The following PCDH9 variants were observed in gnomAD, a reference collection of about 807,000 sequenced individuals.
PCDH9 encodes the protein protocadherin-9.
PCDH9 carries 24 observed loss-of-function variants against 70.6 expected under a neutral mutation model. The observed-to-expected ratio is 0.34, with a 90% CI of 0.25 to 0.48. PCDH9 has a LOEUF of 0.48. Among genes scored for constraint, PCDH9 ranks in the 20% least tolerant of loss-of-function variants. The pLI is 0.99. For synonymous variants in PCDH9, 562 were observed against 558.5 expected (o/e 1.01, Z -0.09); for missense variants, 1,281 against 1,503.6 (o/e 0.85, Z 2.45).
At chr13:66,860,736 T>C (rs1192528731) in intron 3 of PCDH9, among the ~76,000 whole-genome samples, 2 of 152,190 alleles carry the variant, frequency 1.3e-5, no homozygotes, top group East Asian at 3.9e-4. Context: ...CTAAGTACTT[T>C]ACCTGTGATT....
chr13:66,691,604 C>T (rs891549566), intron 3 of PCDH9, among the ~76,000 whole-genome samples: 5 of 152,034 alleles, frequency 3.3e-5, no homozygotes, highest in Non-Finnish European at 5.9e-5. Flanking sequence ...GATGCCTTTG[C>T]CTCTGAAAAT....
intron 2 of PCDH9, among the ~76,000 whole-genome samples, chr13:66,932,906 A>G (rs970514406): frequency 1.3e-5 from 2 of 151,254 alleles, no homozygotes; most frequent in African/African-American, 4.8e-5. Context: ...TTTAGAAAAT[A>G]TTAACATCAT....
chr13:66,854,368 A>G (rs2081361307), intron 3 of PCDH9, among the ~76,000 whole-genome samples: 1 of 152,130 alleles, frequency 6.6e-6, no homozygotes, highest in African/African-American at 2.4e-5. Flanking sequence ...TCTTTGTACC[A>G]TTGCTCTCCT....
At chr13:67,043,211 T>G (rs1054084467) in intron 2 of PCDH9, among the ~76,000 whole-genome samples, 1 of 152,160 alleles carries the variant, frequency 6.6e-6, no homozygotes, top group Non-Finnish European at 1.5e-5. Context: ...TATTTTATTT[T>G]AGAAAGTTCC....
rs545941466 is a variant in PCDH9 at position 66,885,047 on chromosome 13, T to A, written c.3138+18457A>T. On this transcript the variant is annotated intron_variant, in intron 3 of 4. Transcript: ENST00000377865. ...CTGTACCACAATATACCCTGAATTT[T>A]TCCATCCTCTGCCCCTCACTTTTGC... 6.6e-5 allele frequency among the ~76,000 whole-genome samples: 10 copies of A among 152,316 alleles called. No individual in the cohort carries two copies. In the East Asian group the frequency reaches 1.9e-3, roughly 29 times the overall value.
chr13:66,915,995 T>G (rs114812935), intron 2 of PCDH9, among the ~76,000 whole-genome samples: 2,312 of 151,510 alleles, frequency 0.015, 66 homozygotes, highest in African/African-American at 0.052. Context: ...ACTCATGGAG[T>G]ATTAGAGTTG....
chr13:66,669,054 T>G (rs2078135775), intron 3 of PCDH9, among the ~76,000 whole-genome samples: 1 of 152,150 alleles, frequency 6.6e-6, no homozygotes, highest in African/African-American at 2.4e-5. Flanking sequence ...TTGACCTCAT[T>G]GAATCTATTT....
intron 4 of PCDH9, among the ~76,000 whole-genome samples, chr13:66,445,767 A>G (rs182512048): frequency 0.011 from 1,576 of 142,194 alleles, 19 homozygotes; most frequent in Non-Finnish European, 0.016. Flanking sequence ...ATACATACAC[A>G]TATATATTAT....
intron 3 of PCDH9, among the ~76,000 whole-genome samples, chr13:66,789,267 T>C (rs74093609): frequency 0.014 from 2,178 of 152,294 alleles, 57 homozygotes; most frequent in African/African-American, 0.05. Flanking sequence ...TTTGACTTCA[T>C]AGCCTAGGCT....
At chr13:67,141,553 G>T (rs141282507) in intron 2 of PCDH9, among the ~76,000 whole-genome samples, 2,638 of 152,066 alleles carry the variant, frequency 0.017, 69 homozygotes, top group African/African-American at 0.06. Flanking sequence ...TGATTCTCCT[G>T]CCTCAGCCTC....
chr13:66,560,989 C>T (rs2152741), intron 4 of PCDH9, among the ~76,000 whole-genome samples: 126,274 of 152,288 alleles, frequency 0.83, 52,603 homozygotes, highest in East Asian at 1. Context: ...TTCAGCCTGC[C>T]GCTGCACTGT....
chr13:67,069,505 A>T (rs1247128793), intron 2 of PCDH9, among the ~76,000 whole-genome samples: 1 of 152,176 alleles, frequency 6.6e-6, no homozygotes, highest in Non-Finnish European at 1.5e-5. Context: ...AAACCTTTAC[A>T]TCGAAACCAT....
Position 66,831,011 on chromosome 13 carries a change from G to C in PCDH9, c.3138+72493C>G, listed in dbSNP as rs183036294. Among the ~76,000 whole-genome samples the C allele has an allele frequency of 1.2e-3, 177 of 152,164 alleles. 1 individual carries two copies. Among genetic ancestry groups the C allele is most frequent in the Non-Finnish European group, 1.7e-3 (117 of 67,986 alleles). On this transcript the variant is annotated intron_variant, in intron 3 of 4. Coordinates refer to ENST00000377865, the MANE Select transcript of PCDH9 (RefSeq NM_203487.3). ...TGCAGTTATTAAAAATATCCCTTAG[G>C]GTAGGTCAATACACAGACATGAGTT...
At chr13:66,662,911 G>A (rs982257810) in intron 3 of PCDH9, among the ~76,000 whole-genome samples, 22 of 152,048 alleles carry the variant, frequency 1.4e-4, no homozygotes, top group Admixed American at 7.9e-4. Context: ...GATTTCTAGC[G>A]GGCTGTATCA....
intron 3 of PCDH9, among the ~76,000 whole-genome samples, chr13:66,860,867 A>G (rs2081470946): frequency 6.6e-6 from 1 of 152,228 alleles, no homozygotes; most frequent in Admixed American, 6.5e-5. Flanking sequence ...ACACCTCTGA[A>G]GAGGATAGAT....
intron 3 of PCDH9, among the ~76,000 whole-genome samples, chr13:66,854,697 T>C (rs574501533): frequency 6.6e-6 from 1 of 152,170 alleles, no homozygotes; most frequent in Non-Finnish European, 1.5e-5. Context: ...GGTGCTGAAG[T>C]GCTGTTTAAT....
intron 3 of PCDH9, among the ~76,000 whole-genome samples, chr13:66,717,467 AAAAAAAAAAAAAAATATATATATATAT>A (rs2078880960): frequency 5.5e-5 from 2 of 36,652 alleles, no homozygotes; most frequent in South Asian, 1.5e-3. Context: ...AAAAAAAAAA[AAAAAAAAAAAAAAATATATATATATAT>A]ATATATATAT....
At chr13:67,071,962 GA>G (rs199933670) in intron 2 of PCDH9, among the ~76,000 whole-genome samples, 14,978 of 149,532 alleles carry the variant, frequency 0.1, 815 homozygotes, top group Non-Finnish European at 0.12. Flanking sequence ...ATAAATCTCA[GA>G]AAAAAATACC....
intron 3 of PCDH9, among the ~76,000 whole-genome samples, chr13:66,864,598 C>A (rs1793731102): frequency 6.6e-6 from 1 of 152,106 alleles, no homozygotes; most frequent in Non-Finnish European, 1.5e-5. Flanking sequence ...TCACTTTATC[C>A]AAAATGTGTG....
Sources: gnomAD v4.1 joint callset for allele counts (sites outside exome capture counted in the v4.1 genomes callset) on GRCh38, gnomAD v4.1.1 for gene constraint, MANE v1.5 for transcripts, NCBI Gene and HGNC (gene_info 2026-07-23, HGNC 2026-07-21) for gene names.